C12orf42: variants seen among roughly 807,000 people sequenced by gnomAD.
C12orf42 encodes the protein uncharacterized protein C12orf42.
Under a neutral mutation model 21.6 loss-of-function variants are expected in C12orf42, and 25 were observed. That is an observed-to-expected ratio of 1.16 (90% CI 0.84 to 1.62). C12orf42 has a LOEUF of 1.62. Ranked by LOEUF, C12orf42 falls within the 40% of genes most tolerant of loss-of-function variation. The pLI is 0.00. For synonymous variants in C12orf42, 174 were observed against 175.0 expected, an observed-to-expected ratio of 0.99 and a Z score of 0.05; for missense variants, 483 against 459.3, an observed-to-expected ratio of 1.05 and a Z score of -0.47.
the C12orf42 span, among the ~76,000 whole-genome samples, chr12:103,169,925 C>T: frequency 6.6e-6 from 1 of 152,004 alleles, no homozygotes; most frequent in African/African-American, 2.4e-5. Context: ...TGGTACTGGA[C>T]TAAGGAGCTC....
chr12:103,462,096 G>GTTTTTTTTTTTTTTTTTTATTTTTTT (rs1952755030), intron 2 of C12orf42, among the ~76,000 whole-genome samples: 1 of 27,724 alleles, frequency 3.6e-5, no homozygotes, highest in African/African-American at 1.4e-4. Context: ...TTTTTGCTTG[G>GTTTTTTTTTTTTTTTTTTATTTTTTT]TTTTTTTTTT....
chr12:103,215,138 G>C, the C12orf42 span, among the ~76,000 whole-genome samples: 24 of 152,084 alleles, frequency 1.6e-4, no homozygotes, highest in African/African-American at 5.8e-4. Flanking sequence ...TCAGTGCAGG[G>C]GAAGAAATAA....
the C12orf42 span, among the ~76,000 whole-genome samples, chr12:103,055,953 C>T: frequency 6.6e-6 from 1 of 151,898 alleles, no homozygotes; most frequent in Admixed American, 6.6e-5. Context: ...GTTTTATGAC[C>T]CATGATATAG....
At chr12:103,119,528 G>A in the C12orf42 span, among the ~76,000 whole-genome samples, 2 of 152,286 alleles carry the variant, frequency 1.3e-5, no homozygotes, top group South Asian at 4.1e-4. Flanking sequence ...TAAGTGGCTT[G>A]TAAGCGATAA....
At chr12:103,248,545 T>C (rs558354524) in intron 10 of C12orf42, among the ~76,000 whole-genome samples, 1 of 151,734 alleles carries the variant, frequency 6.6e-6, no homozygotes, top group East Asian at 1.9e-4. Flanking sequence ...ACATATTTGT[T>C]ATATTTATAC....
intron 2 of C12orf42, among the ~76,000 whole-genome samples, chr12:103,470,283 C>A (rs1447020611): frequency 2.0e-5 from 3 of 152,160 alleles, no homozygotes; most frequent in African/African-American, 7.2e-5. Context: ...TTAACCTTAA[C>A]TTTTGGAGGG....
chr12:103,135,598 G>T, the C12orf42 span, among the ~76,000 whole-genome samples: 1 of 152,126 alleles, frequency 6.6e-6, no homozygotes, highest in African/African-American at 2.4e-5. Context: ...AGACTGACAA[G>T]AATAAACTCT....
intron 2 of C12orf42, among the ~76,000 whole-genome samples, chr12:103,403,371 G>A (rs532207470): frequency 7.9e-5 from 11 of 139,422 alleles, no homozygotes; most frequent in South Asian, 2.4e-4. Context: ...GCGAGACTCC[G>A]TCTCAAAAAA....
At chr12:103,220,262 G>C in the C12orf42 span, among the ~76,000 whole-genome samples, 1 of 152,136 alleles carries the variant, frequency 6.6e-6, no homozygotes, top group Non-Finnish European at 1.5e-5. Flanking sequence ...GCCTCTCAGG[G>C]GGTGGGATAG....
chr12:103,214,722 C>A, the C12orf42 span, among the ~76,000 whole-genome samples: 4 of 152,322 alleles, frequency 2.6e-5, no homozygotes, highest in South Asian at 8.3e-4. Flanking sequence ...AGGGAGTCCA[C>A]TGAAAATCCC....
the C12orf42 span, among the ~76,000 whole-genome samples, chr12:103,062,817 A>AT: frequency 3.3e-5 from 5 of 152,058 alleles, no homozygotes; most frequent in East Asian, 1.9e-4. Flanking sequence ...ATTTCTAATA[A>AT]TTTTTTTACA....
At position 103,368,306 on chromosome 12, in the gene C12orf42, G is replaced by C. The variant is rs77253494; in HGVS notation, c.259+581C>G. Reference sequence around the variant, plus strand: ...TTTATCTGCCTTTCTCTCTCTTTCTGTCTCTCTCTCTCACACACACACACA... The same window carrying C: ...TTTATCTGCCTTTCTCTCTCTTTCTCTCTCTCTCTCTCACACACACACACA... On this transcript the variant is annotated intron_variant, in intron 4 of 5. Transcript: ENST00000548883. Among the ~76,000 whole-genome samples the C allele has an allele frequency of 1.3e-3, 192 of 147,588 alleles. 2 individuals are homozygous for C. Among genetic ancestry groups the C allele is most frequent in the African/African-American group, 4.4e-3 (176 of 39,568 alleles).
intron 1 of C12orf42, among the ~76,000 whole-genome samples, chr12:103,495,117 G>C (rs1478307961): frequency 6.6e-6 from 1 of 152,002 alleles, no homozygotes; most frequent in Non-Finnish European, 1.5e-5. Flanking sequence ...AATATTAAAT[G>C]CCAGCAGGGA....
chr12:103,128,216 C>T, the C12orf42 span, among the ~76,000 whole-genome samples: 2 of 152,088 alleles, frequency 1.3e-5, no homozygotes, highest in Non-Finnish European at 2.9e-5. Context: ...TCCTTGGTAC[C>T]TGCTAAGGAA....
At chr12:103,411,135 T>C (rs548577346) in intron 2 of C12orf42, among the ~76,000 whole-genome samples, 2 of 152,208 alleles carry the variant, frequency 1.3e-5, no homozygotes, top group Non-Finnish European at 2.9e-5. Flanking sequence ...CTGTAGTGCA[T>C]TGCACACCTG....
chr12:103,165,780 G>A, the C12orf42 span, among the ~76,000 whole-genome samples: 12 of 151,006 alleles, frequency 7.9e-5, 1 homozygote, highest in South Asian at 2.5e-3. Context: ...GGTGGCTCAC[G>A]CCTGTAATCC....
At chr12:103,121,208 C>A in the C12orf42 span, among the ~76,000 whole-genome samples, 93 of 152,228 alleles carry the variant, frequency 6.1e-4, no homozygotes, top group Admixed American at 1.8e-3. Context: ...AGTTCAAAAT[C>A]AATGGATCTT....
intron 2 of C12orf42, among the ~76,000 whole-genome samples, chr12:103,415,940 C>G (rs1399013568): frequency 6.6e-6 from 1 of 152,034 alleles, no homozygotes; most frequent in Non-Finnish European, 1.5e-5. Flanking sequence ...AGAAAAAACT[C>G]TCTGCCTTTT....
At chr12:103,105,724 G>A in the C12orf42 span, among the ~76,000 whole-genome samples, 3 of 152,184 alleles carry the variant, frequency 2.0e-5, no homozygotes, top group African/African-American at 7.2e-5. Flanking sequence ...ACAAGGTACG[G>A]CTTAAAATGT....
Sources: allele counts gnomAD v4.1 joint callset (sites outside exome capture counted in the v4.1 genomes callset), GRCh38; gene constraint gnomAD v4.1.1; transcripts MANE v1.5; gene names NCBI Gene and HGNC (gene_info 2026-07-23, HGNC 2026-07-21).